The following LTA4H variants were observed in gnomAD, a reference collection of about 807,000 sequenced individuals.
LTA4H encodes the protein leukotriene A4 hydrolase.
LTA4H carries 59 observed loss-of-function variants against 89.8 expected under a neutral mutation model. The ratio of observed to expected loss-of-function variants is 0.66; its 90% CI spans 0.53 to 0.82. LTA4H has a LOEUF of 0.82. LTA4H is among the 40% of genes least tolerant of loss of function. The pLI is 0.00. For missense variants in LTA4H, 617 were observed against 727.0 expected (o/e 0.85, Z 1.74); for synonymous variants, 227 against 253.1 (o/e 0.90, Z 0.98).
chr12:96,040,410 A>G (rs1255034655), upstream of LTA4H, among the ~76,000 whole-genome samples: 1 of 152,206 alleles, frequency 6.6e-6, no homozygotes, highest in Non-Finnish European at 1.5e-5. Flanking sequence ...AGCTGGACAC[A>G]TGGCCACCCG....
chr12:96,021,037 C>T (rs757183856), intron 6 of LTA4H, 48 bp downstream of exon 6: 2 of 1,510,108 alleles, frequency 1.3e-6, no homozygotes, highest in Non-Finnish European at 1.8e-6. Context: ...TTCAAGATGC[C>T]TAAGTTTTGA....
upstream of LTA4H, chr12:96,035,697 C>T (rs1340849316): frequency 9.3e-6 from 13 of 1,398,478 alleles, no homozygotes; most frequent in Non-Finnish European, 2.8e-6. Flanking sequence ...GGTGAAGGAA[C>T]TACAAGTTCC....
Position 96,003,013 on chromosome 12 carries a change from C to G in LTA4H, c.1665G>C (p.Ala555=). The G allele has an allele frequency of 6.2e-7, 1 of 1,605,862 alleles. No homozygotes were observed. Among genetic ancestry groups the G allele is most frequent in the Non-Finnish European group, 8.5e-7 (1 of 1,175,726 alleles). The change falls in exon 18 of 19, where the codon GCG becomes GCC. Residue 555 remains alanine (A), a synonymous_variant. Transcript: ENST00000228740. ...QSKWEDAIPL[A]LKMATEQGRM... The stretch of plus-strand genomic sequence containing the variant: ...TTCCTTGTTCAGTTGCCATCTTTAG[C>G]GCCAAAGGAATTGCGTCCTCCCACT...
chr12:96,022,433 GTA>G lies in LTA4H; in HGVS notation c.481-184_481-183del, dbSNP rs376675838. 5.5e-4 allele frequency among the ~76,000 whole-genome samples: 84 copies of G among 151,942 alleles called. 1 individual carries two copies. In the South Asian group the frequency reaches 0.016, roughly 29 times the overall value. On this transcript the variant is annotated intron_variant, in intron 4 of 18. Transcript: ENST00000228740. This position sits in a 1 kb window ranked among gnomAD's most constrained non-coding sequence, Gnocchi z 4.0. ...ACACACATATATATGAACACAACGTGTATAGATGTGTATATATATGCACACAT... is the reference window on the plus strand; with the variant it reads ...ACACACATATATATGAACACAACGTGTAGATGTGTATATATATGCACACAT...
chr12:96,009,388 C>T (rs2136870759), intron 14 of LTA4H: 1 of 494,636 alleles, frequency 2.0e-6, no homozygotes, highest in Non-Finnish European at 3.6e-6. Context: ...GAAAGAATGC[C>T]AAAGCACCTC....
intron 18 of LTA4H, 21 bp downstream of exon 18, chr12:96,002,939 A>G (rs1489551295): frequency 1.3e-6 from 2 of 1,500,994 alleles, no homozygotes; most frequent in Non-Finnish European, 1.8e-6. Context: ...AATTCAAAGT[A>G]CGGTCTGAGT....
At chr12:96,006,682 C>T (rs17025033) in intron 15 of LTA4H, among the ~76,000 whole-genome samples, 9,466 of 152,094 alleles carry the variant, frequency 0.062, 361 homozygotes, top group Middle Eastern at 0.12. Context: ...TTGTACCATT[C>T]GAGGTATAGA....
At chr12:96,036,566 A>G (rs138430080), upstream of LTA4H, among the ~76,000 whole-genome samples, 21 of 152,312 alleles carry the variant, frequency 1.4e-4, no homozygotes, top group East Asian at 3.5e-3. Flanking sequence ...TGGCTCAATC[A>G]GAAGATGCTG....
At chr12:96,030,534 A>C (rs1462805998) in intron 1 of LTA4H, among the ~76,000 whole-genome samples, 1 of 152,176 alleles carries the variant, frequency 6.6e-6, no homozygotes, top group African/African-American at 2.4e-5. Flanking sequence ...TGATTCTGTT[A>C]AAAGAACTCT....
intron 14 of LTA4H, chr12:96,009,475 G>A: frequency 3.6e-6 from 1 of 278,118 alleles, no homozygotes. Context: ...GTACATGGCA[G>A]GAACAGTTCT....
intron 15 of LTA4H, among the ~76,000 whole-genome samples, chr12:96,008,341 A>G (rs1200090336): frequency 6.6e-6 from 1 of 152,178 alleles, no homozygotes; most frequent in Admixed American, 6.6e-5. Flanking sequence ...TAGTACATAT[A>G]TGAAGAAGCT....
At chr12:96,017,010 T>C in intron 10 of LTA4H, 34 bp downstream of exon 10, 2 of 1,447,892 alleles carry the variant, frequency 1.4e-6, no homozygotes, top group Non-Finnish European at 1.9e-6. Context: ...ATCAGCAACA[T>C]GAACCAATAA....
chr12:96,014,666 T>A (rs1950350120), intron 12 of LTA4H, among the ~76,000 whole-genome samples, 189 bp downstream of exon 12: 1 of 152,158 alleles, frequency 6.6e-6, no homozygotes, highest in South Asian at 2.1e-4. Context: ...GCAGCATAAT[T>A]TAAACCTTAG....
At chr12:96,043,380 G>C in exon 1 of LTA4H, 1 of 1,517,258 alleles carries the variant, frequency 6.6e-7, no homozygotes, top group Non-Finnish European at 8.8e-7. Flanking sequence ...CAGCATGGGA[G>C]ACAGATTAGA....
chr12:96,036,171 ATG>A (rs1950645107), upstream of LTA4H, among the ~76,000 whole-genome samples: 1 of 152,208 alleles, frequency 6.6e-6, no homozygotes, highest in African/African-American at 2.4e-5. Flanking sequence ...AGTGTTTATT[ATG>A]TATATCCCCA....
chr12:96,019,989 C>T (rs1454680516), intron 6 of LTA4H, among the ~76,000 whole-genome samples: 2 of 151,502 alleles, frequency 1.3e-5, no homozygotes, highest in East Asian at 1.9e-4. Context: ...CTGCAGCCTC[C>T]ACCTCCTGGG....
chr12:96,016,966 AC>A, intron 10 of LTA4H, 77 bp downstream of exon 10: 1 of 941,976 alleles, frequency 1.1e-6, no homozygotes, highest in South Asian at 1.3e-5. Flanking sequence ...TACACACAAA[AC>A]AATTCAGAGT....
intron 3 of LTA4H, among the ~76,000 whole-genome samples, chr12:96,026,509 A>G (rs1950514709): frequency 6.6e-6 from 1 of 152,248 alleles, no homozygotes; most frequent in Non-Finnish European, 1.5e-5. Context: ...TCAGATATTT[A>G]TGAGATACAG....
At chr12:96,015,543 C>G in intron 11 of LTA4H, 40 bp downstream of exon 11, 1 of 1,448,866 alleles carries the variant, frequency 6.9e-7, no homozygotes. Flanking sequence ...AACACCTATA[C>G]AACTTTGGAT....
Sources: allele counts gnomAD v4.1 joint callset (sites outside exome capture counted in the v4.1 genomes callset), GRCh38; gene constraint gnomAD v4.1.1; non-coding constraint Gnocchi (gnomAD v3.1); transcripts MANE v1.5; gene names NCBI Gene and HGNC (gene_info 2026-07-23, HGNC 2026-07-21).